Variants in MEGF11 observed in about 807,000 individuals in gnomAD.
The protein encoded by MEGF11 is multiple epidermal growth factor-like domains protein 11.
MEGF11 carries 126 observed loss-of-function variants against 146.6 expected under a neutral mutation model. The ratio of observed to expected loss-of-function variants is 0.86; its 90% CI spans 0.74 to 1.00. The LOEUF is 1.00. Ranked by LOEUF, MEGF11 falls within the 50% of genes least tolerant of loss-of-function variation. The pLI, the probability that MEGF11 is intolerant of heterozygous loss-of-function variation, is 0.00. For missense variants in MEGF11, 1,509 were observed against 1,521.2 expected, an observed-to-expected ratio of 0.99 and a Z score of 0.13; for synonymous variants, 532 against 583.4, an observed-to-expected ratio of 0.91 and a Z score of 1.27.
intron 10 of MEGF11, among the ~76,000 whole-genome samples, chr15:65,937,303 A>G (rs1332812497): frequency 6.6e-6 from 1 of 152,046 alleles, no homozygotes; most frequent in Non-Finnish European, 1.5e-5. Context: ...GGGAGTTTGC[A>G]TTTGGCATGT....
chr15:66,082,225 T>C (rs549958777), intron 5 of MEGF11, among the ~76,000 whole-genome samples: 1 of 151,950 alleles, frequency 6.6e-6, no homozygotes, highest in Admixed American at 6.6e-5. Context: ...TCCACCTCCC[T>C]GAGCTTTGAT....
intron 5 of MEGF11, among the ~76,000 whole-genome samples, chr15:65,989,155 A>T (rs1047396804): frequency 1.3e-5 from 2 of 151,970 alleles, no homozygotes. Flanking sequence ...CTCTGTTCTC[A>T]CTGGTCCTCT....
At chr15:66,086,548 A>G (rs2086116804) in intron 5 of MEGF11, among the ~76,000 whole-genome samples, 1 of 152,244 alleles carries the variant, frequency 6.6e-6, no homozygotes, top group Admixed American at 6.5e-5. Flanking sequence ...AGAATTTTGT[A>G]TCCAGCAAAA....
chr15:66,224,296 C>T (rs913164669), intron 1 of MEGF11, among the ~76,000 whole-genome samples: 10 of 152,040 alleles, frequency 6.6e-5, no homozygotes, highest in African/African-American at 9.7e-5. Context: ...AGTATCTGGC[C>T]GAGCACAGTG....
chr15:65,916,211 A>C lies in MEGF11; in HGVS notation c.2281T>G (p.Cys761Gly), dbSNP rs201567733. 2.5e-6 allele frequency: 4 copies of C among 1,574,420 alleles called. No individual in the cohort carries two copies. Among genetic ancestry groups the C allele is most frequent in the African/African-American group, 2.7e-5 (2 of 74,200 alleles). ...GTGCACTTGCCACTGATGTGGTCACAGCTGGCGCCATTCTGACACTGGCAT... is the reference window on the plus strand; with the variant it reads ...GTGCACTTGCCACTGATGTGGTCACCGCTGGCGCCATTCTGACACTGGCAT... ...RVCQCQNGAS[C>G]DHISGKCTCR... Residue 761 changes from cysteine (C) to glycine (G), a missense_variant, in exon 18 of 26, where the codon TGT (cysteine) becomes GGT (glycine). Transcript: ENST00000395614.
intron 15 of MEGF11, among the ~76,000 whole-genome samples, chr15:65,920,824 C>G (rs963294899): frequency 2.0e-5 from 3 of 152,166 alleles, no homozygotes; most frequent in Admixed American, 2.0e-4. Flanking sequence ...ATAGCAAACT[C>G]CATTAGATCT....
At chr15:66,155,506 C>T (rs2089725051) in intron 1 of MEGF11, among the ~76,000 whole-genome samples, 1 of 152,162 alleles carries the variant, frequency 6.6e-6, no homozygotes, top group South Asian at 2.1e-4. Flanking sequence ...CCTTAAATAG[C>T]TTCTATTATA....
chr15:65,973,789 CAAG>C (rs1284642334), intron 7 of MEGF11, among the ~76,000 whole-genome samples: 10 of 152,114 alleles, frequency 6.6e-5, no homozygotes, highest in African/African-American at 2.4e-4. Context: ...ATGGAAAAGT[CAAG>C]AAACGGCTAT....
At chr15:66,199,623 A>C (rs4776290) in intron 1 of MEGF11, among the ~76,000 whole-genome samples, 80,641 of 151,856 alleles carry the variant, frequency 0.53, 22,273 homozygotes, top group African/African-American at 0.68. Context: ...ACCAACACTA[A>C]CAAAAAAATT....
intron 8 of MEGF11, among the ~76,000 whole-genome samples, chr15:65,968,161 A>G (rs953320914): frequency 3.9e-5 from 6 of 152,214 alleles, no homozygotes; most frequent in Non-Finnish European, 5.9e-5. Flanking sequence ...AGGAATGGAA[A>G]GTAGAAGACA....
intron 10 of MEGF11, among the ~76,000 whole-genome samples, chr15:65,946,422 G>A (rs890115417): frequency 6.6e-6 from 1 of 152,174 alleles, no homozygotes; most frequent in Non-Finnish European, 1.5e-5. Context: ...AGCATCTACT[G>A]AGCACCTACT....
At chr15:66,212,361 A>G (rs2091482711) in intron 1 of MEGF11, among the ~76,000 whole-genome samples, 1 of 152,090 alleles carries the variant, frequency 6.6e-6, no homozygotes, top group East Asian at 1.9e-4. Context: ...CGCCCTCTGG[A>G]TTGTATTCTC....
chr15:65,935,322 G>GAA lies in MEGF11; in HGVS notation c.1288-4381_1288-4380dup, dbSNP rs71139449. ...GTGACAGAGCGAGACTCCGTCTCAA[G>GAA]AAAAAAAAAAAAAAAAAAAAAAAAA... On this transcript the variant is annotated intron_variant, in intron 10 of 25. Coordinates refer to ENST00000395614, the MANE Select transcript of MEGF11 (RefSeq NM_001385028.1). Among the ~76,000 whole-genome samples, 63 of 35,208 alleles carry GAA rather than the reference G, an allele frequency of 1.8e-3. 12 individuals carry two copies. Among genetic ancestry groups the GAA allele is most frequent in the South Asian group, 2.8e-3 (2 of 720 alleles). The allele number at this position is 35,208 out of a possible 152,430, so 23.1% of individuals were successfully genotyped here.
At chr15:66,124,344 G>A (rs944233100) in intron 2 of MEGF11, among the ~76,000 whole-genome samples, 9 of 152,228 alleles carry the variant, frequency 5.9e-5, no homozygotes, top group Non-Finnish European at 2.9e-5. Context: ...TTAAAAATAT[G>A]TGATTGTTCA....
At chr15:66,228,012 G>T (rs931251084) in intron 1 of MEGF11, among the ~76,000 whole-genome samples, 2 of 152,088 alleles carry the variant, frequency 1.3e-5, no homozygotes, top group East Asian at 1.9e-4. Flanking sequence ...TCCTATTCCT[G>T]CCCTGGGCCC....
chr15:66,033,965 T>G (rs2083630576), intron 5 of MEGF11, among the ~76,000 whole-genome samples: 1 of 152,108 alleles, frequency 6.6e-6, no homozygotes, highest in African/African-American at 2.4e-5. Flanking sequence ...TAATTTTTTG[T>G]ATTTTTAGTA....
chr15:66,184,427 T>C (rs887067193), intron 1 of MEGF11, among the ~76,000 whole-genome samples: 1 of 151,886 alleles, frequency 6.6e-6, no homozygotes, highest in Admixed American at 6.6e-5. Context: ...TAAGAATCCG[T>C]GCCCCGATTT....
intron 4 of MEGF11, among the ~76,000 whole-genome samples, chr15:66,100,900 G>A (rs972553540): frequency 1.5e-4 from 23 of 151,140 alleles, no homozygotes; most frequent in Non-Finnish European, 3.4e-4. Context: ...GAGCGTGTGG[G>A]TGGGTGGGTG....
chr15:66,132,660 G>A (rs1257337324), intron 1 of MEGF11, among the ~76,000 whole-genome samples: 2 of 152,212 alleles, frequency 1.3e-5, no homozygotes, highest in Non-Finnish European at 2.9e-5. Flanking sequence ...GAGTGGGAAA[G>A]CTTGCCAGGA....
Sources: gnomAD v4.1 joint callset for allele counts (sites outside exome capture counted in the v4.1 genomes callset) on GRCh38, gnomAD v4.1.1 for gene constraint, MANE v1.5 for transcripts, NCBI Gene and HGNC (gene_info 2026-07-23, HGNC 2026-07-21) for gene names.